The following KCNJ6 variants were observed in gnomAD, a reference collection of about 807,000 sequenced individuals.
KCNJ6 encodes the protein potassium inwardly rectifying channel subfamily J member 6.
A neutral mutation model predicts 34.2 loss-of-function variants in KCNJ6; 9 were observed. The observed-to-expected ratio is 0.26, with a 90% CI of 0.16 to 0.46. The LOEUF is 0.46. Among genes scored for constraint, KCNJ6 ranks in the 20% least tolerant of loss-of-function variants. The pLI, the probability that KCNJ6 is intolerant of heterozygous loss-of-function variation, is 1.00. For missense variants in KCNJ6, 236 were observed against 531.3 expected (o/e 0.44, Z 5.46); for synonymous variants, 196 against 207.1 (o/e 0.95, Z 0.46).
chr21:37,827,707 T>C (rs1285088966), intron 2 of KCNJ6, among the ~76,000 whole-genome samples: 1 of 152,216 alleles, frequency 6.6e-6, no homozygotes, highest in Non-Finnish European at 1.5e-5. Context: ...ACAGTTGCTA[T>C]GTTACATGTT....
At chr21:37,647,537 A>C (rs1299556142) in intron 3 of KCNJ6, among the ~76,000 whole-genome samples, 1 of 152,160 alleles carries the variant, frequency 6.6e-6, no homozygotes, top group Non-Finnish European at 1.5e-5. Flanking sequence ...TCCAGGGTCC[A>C]TACCCCCAAT....
At chr21:37,854,211 A>G (rs1208500657) in intron 1 of KCNJ6, among the ~76,000 whole-genome samples, 7 of 152,072 alleles carry the variant, frequency 4.6e-5, no homozygotes, top group Non-Finnish European at 8.8e-5. Flanking sequence ...ATATAATGGT[A>G]TGGGTAGATT....
At chr21:37,826,855 G>A (rs1207022361) in intron 2 of KCNJ6, among the ~76,000 whole-genome samples, 1 of 152,136 alleles carries the variant, frequency 6.6e-6, no homozygotes, top group Non-Finnish European at 1.5e-5. Context: ...CACACAAGCA[G>A]AGAGTAGCCT....
intron 2 of KCNJ6, among the ~76,000 whole-genome samples, chr21:37,760,473 A>C (rs1183079772): frequency 6.6e-6 from 1 of 152,106 alleles, no homozygotes; most frequent in East Asian, 1.9e-4. Context: ...TTTCCTGTGA[A>C]GCCCCGATTA....
intron 1 of KCNJ6, among the ~76,000 whole-genome samples, chr21:37,872,747 T>C (rs1332390134): frequency 6.6e-6 from 1 of 152,154 alleles, no homozygotes; most frequent in African/African-American, 2.4e-5. Flanking sequence ...CCCACCCGAA[T>C]CTCATCTTGA....
chr21:37,913,696 T>C (rs1300752190), intron 1 of KCNJ6, among the ~76,000 whole-genome samples: 1 of 152,128 alleles, frequency 6.6e-6, no homozygotes, highest in East Asian at 1.9e-4. Flanking sequence ...TGTGCGCCTG[T>C]AATCCCAGCT....
intron 3 of KCNJ6, among the ~76,000 whole-genome samples, chr21:37,639,688 G>T (rs1023411289): frequency 6.6e-6 from 1 of 152,150 alleles, no homozygotes; most frequent in Admixed American, 6.5e-5. Context: ...CTAGATCCTT[G>T]ATATGGTTTG....
At chr21:37,770,177 T>C (rs954292472) in intron 2 of KCNJ6, among the ~76,000 whole-genome samples, 2 of 152,120 alleles carry the variant, frequency 1.3e-5, no homozygotes, top group Non-Finnish European at 2.9e-5. Context: ...CTGAGGAAGT[T>C]TTCTCTGTTT....
At chr21:37,799,044 T>C (rs2055256867) in intron 2 of KCNJ6, among the ~76,000 whole-genome samples, 1 of 152,206 alleles carries the variant, frequency 6.6e-6, no homozygotes, top group Non-Finnish European at 1.5e-5. Flanking sequence ...TACCTATTGG[T>C]TATTTTTCCT....
At chr21:37,851,409 TA>T (rs2055536742) in intron 1 of KCNJ6, among the ~76,000 whole-genome samples, 1 of 152,238 alleles carries the variant, frequency 6.6e-6, no homozygotes, top group Non-Finnish European at 1.5e-5. Flanking sequence ...GGAATATTTT[TA>T]AAATGTTCCT....
chr21:37,619,343 C>G lies in KCNJ6; in HGVS notation c.*5816G>C, dbSNP rs549400378. On this transcript the variant is annotated 3_prime_UTR_variant, in exon 4 of 4. Coordinates refer to ENST00000609713, the MANE Select transcript of KCNJ6 (RefSeq NM_002240.5). The stretch of plus-strand genomic sequence containing the variant: ...AAAACCCCAAGGTCTGGACTTTTTC[C>G]ATCCATTATGTCTGTAATTACCAAT... 1 of 152,138 alleles carries G rather than the reference C, an allele frequency of 6.6e-6. No individual in the cohort carries two copies. Among genetic ancestry groups the G allele is most frequent in the Non-Finnish European group, 1.5e-5 (1 of 68,028 alleles). The allele number at this position is 152,138 out of a possible 1,614,324, so 9.4% of individuals were successfully genotyped here.
intron 3 of KCNJ6, among the ~76,000 whole-genome samples, chr21:37,638,800 G>T (rs1403170441): frequency 6.6e-6 from 1 of 152,126 alleles, no homozygotes; most frequent in Non-Finnish European, 1.5e-5. Flanking sequence ...ATCTCAAACT[G>T]CAGGAAACTT....
intron 2 of KCNJ6, among the ~76,000 whole-genome samples, chr21:37,828,410 T>A (rs923221762): frequency 4.6e-5 from 7 of 152,136 alleles, no homozygotes; most frequent in Non-Finnish European, 7.4e-5. Flanking sequence ...CCGGCCTGCT[T>A]CCCTTCCCCA....
intron 2 of KCNJ6, among the ~76,000 whole-genome samples, chr21:37,725,355 T>C (rs1452195006): frequency 6.6e-6 from 1 of 152,176 alleles, no homozygotes; most frequent in Non-Finnish European, 1.5e-5. Context: ...ATCACGCCAC[T>C]GAACTCCAGC....
intron 2 of KCNJ6, among the ~76,000 whole-genome samples, chr21:37,759,322 T>C (rs909647583): frequency 6.6e-6 from 1 of 152,216 alleles, no homozygotes; most frequent in Non-Finnish European, 1.5e-5. Flanking sequence ...CACTGTGAAA[T>C]GAATGGCGGG....
At chr21:37,651,505 G>C (rs1056740233) in intron 3 of KCNJ6, among the ~76,000 whole-genome samples, 1 of 152,188 alleles carries the variant, frequency 6.6e-6, no homozygotes, top group African/African-American at 2.4e-5. Context: ...CAGTGGTCTG[G>C]GCAAGGGATG....
At chr21:37,679,035 G>A (rs1469958411) in intron 3 of KCNJ6, among the ~76,000 whole-genome samples, 1 of 152,144 alleles carries the variant, frequency 6.6e-6, no homozygotes, top group Non-Finnish European at 1.5e-5. Context: ...TTTCTCTCTG[G>A]AATTGTTTGC....
At chr21:37,729,429 T>C (rs1184527267) in intron 2 of KCNJ6, among the ~76,000 whole-genome samples, 1 of 151,778 alleles carries the variant, frequency 6.6e-6, no homozygotes, top group Non-Finnish European at 1.5e-5. Flanking sequence ...GCCCAAGCAA[T>C]CCTCCCACCT....
At chr21:37,657,733 G>C (rs1168793474) in intron 3 of KCNJ6, among the ~76,000 whole-genome samples, 1 of 152,220 alleles carries the variant, frequency 6.6e-6, no homozygotes, top group African/African-American at 2.4e-5. Context: ...TGAAAATTCA[G>C]TTAAGTGAGG....
Sources: gnomAD v4.1 joint callset for allele counts (sites outside exome capture counted in the v4.1 genomes callset) on GRCh38, gnomAD v4.1.1 for gene constraint, MANE v1.5 for transcripts, NCBI Gene and HGNC (gene_info 2026-07-23, HGNC 2026-07-21) for gene names.